The following OSBPL10 variants were observed in gnomAD, a reference collection of about 807,000 sequenced individuals.
The protein encoded by OSBPL10 is oxysterol-binding protein-related protein 10.
In OSBPL10, 49 loss-of-function variants were observed where a neutral mutation model predicts 81.7. The observed-to-expected ratio is 0.60, with a 90% CI of 0.48 to 0.76. OSBPL10 has a LOEUF of 0.76. Among genes scored for constraint, OSBPL10 ranks in the 30% least tolerant of loss-of-function variants. The probability of loss-of-function intolerance (pLI) is 0.00; values close to 1 mark genes in which losing one functional copy is unlikely to be tolerated. For missense variants in OSBPL10, 923 were observed against 987.8 expected (o/e 0.93, Z 0.88); for synonymous variants, 419 against 383.6 (o/e 1.09, Z -1.08).
intron 1 of OSBPL10, among the ~76,000 whole-genome samples, chr3:31,884,667 T>G (rs1695681326): frequency 6.6e-6 from 1 of 152,202 alleles, no homozygotes; most frequent in Non-Finnish European, 1.5e-5. Flanking sequence ...AATGGAAAAG[T>G]AAACCGTATT....
intron 2 of OSBPL10, among the ~76,000 whole-genome samples, chr3:32,029,647 T>C (rs1050539389): frequency 2.0e-5 from 3 of 152,210 alleles, no homozygotes; most frequent in African/African-American, 7.2e-5. Context: ...ACTGACCTAG[T>C]GTTTCCTCTT....
At chr3:31,990,997 C>T in intron 2 of OSBPL10, 1 of 1,547,610 alleles carries the variant, frequency 6.5e-7, no homozygotes, top group East Asian at 2.3e-5. Flanking sequence ...CCTTGCAAAA[C>T]ATCAGAAAAT....
At chr3:31,716,890 T>A (rs578021251) in intron 6 of OSBPL10, 1 of 152,332 alleles carries the variant, frequency 6.6e-6, no homozygotes, top group East Asian at 1.9e-4. Flanking sequence ...CAACTTTGAA[T>A]TTTATGTGTC....
At chr3:31,910,929 T>C (rs527319854) in intron 1 of OSBPL10, among the ~76,000 whole-genome samples, 1 of 152,210 alleles carries the variant, frequency 6.6e-6, no homozygotes, top group East Asian at 1.9e-4. Context: ...CCCAGCAGGC[T>C]GTCTTCTCAA....
chr3:32,037,227 G>A (rs945138237), intron 2 of OSBPL10, among the ~76,000 whole-genome samples: 1 of 152,244 alleles, frequency 6.6e-6, no homozygotes, highest in African/African-American at 2.4e-5. Flanking sequence ...ACAAGCAGGA[G>A]GCAGTCAGCC....
At chr3:31,787,979 A>G (rs1423378387) in intron 4 of OSBPL10, among the ~76,000 whole-genome samples, 1 of 152,228 alleles carries the variant, frequency 6.6e-6, no homozygotes, top group Non-Finnish European at 1.5e-5. Context: ...TTAAGTAAAA[A>G]AGAAAGTATT....
intron 6 of OSBPL10, chr3:31,708,805 T>A: frequency 1.0e-6 from 1 of 985,432 alleles, no homozygotes; most frequent in Non-Finnish European, 1.2e-6. Context: ...AGGCCATCTT[T>A]GTTGGGTAGA....
chr3:31,766,345 TTG>T (rs1553623205), intron 4 of OSBPL10, among the ~76,000 whole-genome samples: 52,063 of 100,658 alleles, frequency 0.52, 13,899 homozygotes, highest in East Asian at 0.64. Flanking sequence ...TTGTTTTTTT[TTG>T]TTTTTTTTTT....
At chr3:32,017,490 A>G (rs1699324908) in intron 2 of OSBPL10, among the ~76,000 whole-genome samples, 1 of 152,010 alleles carries the variant, frequency 6.6e-6, no homozygotes, top group Non-Finnish European at 1.5e-5. Flanking sequence ...TGGTTTGGCA[A>G]GTGGCTGAGC....
chr3:31,982,127 TAGGA>T, upstream of OSBPL10, among the ~76,000 whole-genome samples: 1 of 152,092 alleles, frequency 6.6e-6, no homozygotes, highest in African/African-American at 2.4e-5. Context: ...CACGTGCACC[TAGGA>T]GCAGAGGCTC....
At chr3:31,865,976 T>G (rs1701168895) in intron 3 of OSBPL10, among the ~76,000 whole-genome samples, 1 of 152,304 alleles carries the variant, frequency 6.6e-6, no homozygotes, top group South Asian at 2.1e-4. Flanking sequence ...GGTAACCACA[T>G]GGTTTCAGAG....
chr3:31,851,479 G>C (rs973686179), intron 3 of OSBPL10, among the ~76,000 whole-genome samples: 3 of 152,156 alleles, frequency 2.0e-5, no homozygotes, highest in Non-Finnish European at 2.9e-5. Flanking sequence ...CGCCGCTGTC[G>C]GTCCACACCA....
At chr3:32,021,391 GTTACGT>G (rs1699362518) in intron 2 of OSBPL10, among the ~76,000 whole-genome samples, 3 of 152,140 alleles carry the variant, frequency 2.0e-5, no homozygotes, top group African/African-American at 7.2e-5. Flanking sequence ...GAATTACTGG[GTTACGT>G]TTAACATTTT....
intron 4 of OSBPL10, among the ~76,000 whole-genome samples, chr3:31,783,114 TATATA>T (rs1559462859): frequency 2.1e-3 from 43 of 20,208 alleles, no homozygotes; most frequent in East Asian, 6.3e-3. Flanking sequence ...ATATCTATTA[TATATA>T]TATATATATA....
chr3:31,678,782 CTGTGTGTGTGTGTGTGTGTGTGTGTG>C (rs67616509), intron 8 of OSBPL10, among the ~76,000 whole-genome samples: 17 of 135,648 alleles, frequency 1.3e-4, no homozygotes, highest in African/African-American at 3.8e-4. Flanking sequence ...CAGATTCAAA[CTGTGTGTGTGTGTGTGTGTGTGTGTG>C]TGTGTGTGTG....
At chr3:31,702,301 G>A in intron 7 of OSBPL10, 58 bp downstream of exon 7, 1 of 1,578,060 alleles carries the variant, frequency 6.3e-7, no homozygotes, top group East Asian at 2.2e-5. Flanking sequence ...GAGAAGGCTT[G>A]AGGATAGAGA....
At chr3:31,939,670 C>T (rs889216445) in intron 1 of OSBPL10, among the ~76,000 whole-genome samples, 1 of 152,144 alleles carries the variant, frequency 6.6e-6, no homozygotes, top group Admixed American at 6.5e-5. Flanking sequence ...ATTCAGACCA[C>T]ACTTGACCTG....
chr3:31,879,901 A>G, intron 1 of OSBPL10, 71 bp from the exon 2 acceptor site: 1 of 1,456,448 alleles, frequency 6.9e-7, no homozygotes, highest in Non-Finnish European at 9.2e-7. Context: ...AGAAAAAAGC[A>G]AAGTGATCCA....
chr3:31,741,061 G>A (rs934360053), intron 5 of OSBPL10, among the ~76,000 whole-genome samples: 1 of 152,124 alleles, frequency 6.6e-6, no homozygotes, highest in Non-Finnish European at 1.5e-5. Context: ...TTTAAGCCTT[G>A]CTTAGAGTGT....
Sources: gnomAD v4.1 joint callset for allele counts (sites outside exome capture counted in the v4.1 genomes callset) on GRCh38, gnomAD v4.1.1 for gene constraint, MANE v1.5 for transcripts, NCBI Gene and HGNC (gene_info 2026-07-23, HGNC 2026-07-21) for gene names.